KLHL5: variants seen among roughly 807,000 people sequenced by gnomAD.
The protein encoded by KLHL5 is kelch-like protein 5.
Under a neutral mutation model 77.7 loss-of-function variants are expected in KLHL5, and 48 were observed. The observed-to-expected ratio is 0.62, with a 90% CI of 0.49 to 0.79. The LOEUF (loss-of-function observed/expected upper bound fraction) is 0.79, where lower values mean the gene tolerates loss of function less well. KLHL5 is among the 30% of genes least tolerant of loss of function. KLHL5 has a pLI of 0.00. For missense variants in KLHL5, 723 were observed against 859.7 expected, an observed-to-expected ratio of 0.84 and a Z score of 1.99; for synonymous variants, 260 against 297.0, an observed-to-expected ratio of 0.88 and a Z score of 1.28.
chr4:39,086,819 G>GA (rs1720083200), intron 5 of KLHL5, 92 bp downstream of exon 5: 2 of 862,534 alleles, frequency 2.3e-6, no homozygotes, highest in South Asian at 3.2e-5. Flanking sequence ...ACGTGTAGGT[G>GA]AAAAGATAGT....
Position 39,122,707 on chromosome 4 carries a change from G to T in KLHL5, c.*1641G>T, listed in dbSNP as rs1245871377. ...GGGTGCCTGTACGCCCAGCTACTCGGGAGGCTGAGGCGGGAGAATGGCGTG... is the reference window on the plus strand; with the variant it reads ...GGGTGCCTGTACGCCCAGCTACTCGTGAGGCTGAGGCGGGAGAATGGCGTG... On this transcript the variant is annotated 3_prime_UTR_variant, in exon 11 of 11. Transcript: ENST00000504108. Among the ~76,000 whole-genome samples the T allele has an allele frequency of 6.6e-6, 1 of 152,108 alleles. No individual in the cohort carries two copies. Among genetic ancestry groups the T allele is most frequent in the Non-Finnish European group, 1.5e-5 (1 of 68,010 alleles).
chr4:39,101,640 G>A (rs961287497), intron 6 of KLHL5, among the ~76,000 whole-genome samples: 1 of 151,980 alleles, frequency 6.6e-6, no homozygotes, highest in Non-Finnish European at 1.5e-5. Flanking sequence ...TTGAGGCCAG[G>A]AGTTCGAGAC....
intron 1 of KLHL5, among the ~76,000 whole-genome samples, chr4:39,048,472 T>C (rs956327645): frequency 6.6e-6 from 1 of 152,066 alleles, no homozygotes; most frequent in Non-Finnish European, 1.5e-5. Context: ...TCACATCCTG[T>C]TGATTTTAAA....
At chr4:39,059,288 C>T (rs2566123), upstream of KLHL5, among the ~76,000 whole-genome samples, 110,400 of 151,750 alleles carry the variant, frequency 0.73, 40,301 homozygotes, top group East Asian at 0.82. Flanking sequence ...AAGATAAAGA[C>T]TGATAACTTA....
intron 6 of KLHL5, among the ~76,000 whole-genome samples, chr4:39,101,634 G>A (rs1721553514): frequency 6.6e-6 from 1 of 151,924 alleles, no homozygotes; most frequent in African/African-American, 2.4e-5. Context: ...GATCACTTGA[G>A]GCCAGGAGTT....
chr4:39,094,675 G>A, intron 5 of KLHL5, among the ~76,000 whole-genome samples: 1 of 151,252 alleles, frequency 6.6e-6, no homozygotes, highest in Non-Finnish European at 1.5e-5. Flanking sequence ...ACAGAATAAA[G>A]AATAAAAAAA....
At chr4:39,045,003 T>C (rs1190668543), upstream of KLHL5, 25 of 992,458 alleles carry the variant, frequency 2.5e-5, no homozygotes, top group Non-Finnish European at 3.0e-5. Context: ...AGCATCCCAC[T>C]CAGCTCGCCG....
At chr4:39,112,330 C>T (rs1358460869) in intron 8 of KLHL5, among the ~76,000 whole-genome samples, 3 of 152,174 alleles carry the variant, frequency 2.0e-5, no homozygotes, top group East Asian at 1.9e-4. Context: ...ATTGTTCATA[C>T]ATAACAAATG....
chr4:39,058,949 GA>G (rs1241552923), upstream of KLHL5, among the ~76,000 whole-genome samples: 1 of 152,038 alleles, frequency 6.6e-6, no homozygotes, highest in East Asian at 1.9e-4. Flanking sequence ...TAACTGCTAT[GA>G]AAAAAATTAG....
At position 39,122,694 on chromosome 4, in the gene KLHL5, G is replaced by T. The variant is rs1305300512; in HGVS notation, c.*1628G>T. ...CAGGCGTGGTGGCGGGTGCCTGTAC[G>T]CCCAGCTACTCGGGAGGCTGAGGCG... is the stretch of plus-strand genomic sequence containing the variant. On this transcript the variant is annotated 3_prime_UTR_variant, in exon 11 of 11. Coordinates refer to ENST00000504108, the MANE Select transcript of KLHL5 (RefSeq NM_015990.5). Among the ~76,000 whole-genome samples the T allele has an allele frequency of 6.6e-6, 1 of 151,746 alleles. No individual in the cohort carries two copies. Among genetic ancestry groups the T allele is most frequent in the African/African-American group, 2.4e-5 (1 of 41,328 alleles).
In KLHL5 at chr4:39,103,530, A is replaced by G; in HGVS notation, c.1525+19A>G. The stretch of plus-strand genomic sequence containing the variant: ...GGCCTTGGTAAGTACAACTATGCAG[A>G]TTCACTCAAAATATCACATAGCTCC... On this transcript the variant is annotated intron_variant, in intron 7 of 10. Transcript: ENST00000504108. The G allele has an allele frequency of 6.3e-7, 1 of 1,585,604 alleles. No homozygotes were observed. The highest frequency in any genetic ancestry group is 8.7e-7 in the Non-Finnish European group (1 of 1,154,452).
chr4:39,115,483 G>A (rs3733277), intron 10 of KLHL5, 153 bp downstream of exon 10: 853,495 of 1,498,858 alleles, frequency 0.57, 245,217 homozygotes, highest in Admixed American at 0.6. Context: ...AAGAGGCAAT[G>A]TTTAATTTTA....
intron 1 of KLHL5, among the ~76,000 whole-genome samples, chr4:39,068,800 T>C (rs1421299562): frequency 6.6e-6 from 1 of 152,028 alleles, no homozygotes; most frequent in Non-Finnish European, 1.5e-5. Flanking sequence ...TAGAATCAGA[T>C]ATATTAGGCA....
chr4:39,110,587 T>C (rs555922867), intron 8 of KLHL5, among the ~76,000 whole-genome samples: 1 of 152,190 alleles, frequency 6.6e-6, no homozygotes, highest in East Asian at 1.9e-4. Flanking sequence ...CTCAGCCTCC[T>C]GAGTAGCTGG....
intron 1 of KLHL5, chr4:39,063,635 G>T: frequency 2.4e-6 from 1 of 424,720 alleles, no homozygotes; most frequent in Non-Finnish European, 4.8e-6. Flanking sequence ...ACTAATTCCT[G>T]TTACCTTCAC....
At chr4:39,112,471 A>G (rs1722514175) in intron 8 of KLHL5, among the ~76,000 whole-genome samples, 2 of 152,192 alleles carry the variant, frequency 1.3e-5, no homozygotes, top group Non-Finnish European at 1.5e-5. Flanking sequence ...TCTGCTGCTT[A>G]CTGGGTGACC....
the KLHL5 span, among the ~76,000 whole-genome samples, chr4:39,134,947 A>C: frequency 6.6e-6 from 1 of 152,202 alleles, no homozygotes; most frequent in South Asian, 2.1e-4. Flanking sequence ...AATTCTAAGG[A>C]CTATGAATAG....
At chr4:39,055,357 C>T (rs1016034726) in intron 1 of KLHL5, among the ~76,000 whole-genome samples, 1 of 152,168 alleles carries the variant, frequency 6.6e-6, no homozygotes, top group Non-Finnish European at 1.5e-5. Flanking sequence ...GTGGACAGAC[C>T]ACTGGTCTAA....
the KLHL5 span, among the ~76,000 whole-genome samples, chr4:39,136,683 G>A: frequency 6.6e-6 from 1 of 152,188 alleles, no homozygotes; most frequent in African/African-American, 2.4e-5. Context: ...GACTGTCAGA[G>A]CCTGAGTAGG....
Sources: gnomAD v4.1 joint callset for allele counts (sites outside exome capture counted in the v4.1 genomes callset) on GRCh38, gnomAD v4.1.1 for gene constraint, MANE v1.5 for transcripts, NCBI Gene and HGNC (gene_info 2026-07-23, HGNC 2026-07-21) for gene names.